Variants in ZNF528 observed in about 807,000 individuals in gnomAD.
The protein encoded by ZNF528 is zinc finger protein 528.
A neutral mutation model predicts 13.3 loss-of-function variants in ZNF528; 9 were observed. The ratio of observed to expected loss-of-function variants is 0.67; its 90% CI spans 0.41 to 1.18. ZNF528 has a LOEUF of 1.18. Among genes scored for constraint, ZNF528 ranks in the 50% most tolerant of loss-of-function variants. The probability of loss-of-function intolerance (pLI) is 0.01; values close to 1 mark genes in which losing one functional copy is unlikely to be tolerated. For synonymous variants in ZNF528, 264 were observed against 254.3 expected (o/e 1.04, Z -0.36); for missense variants, 858 against 745.4 (o/e 1.15, Z -1.76).
chr19:52,416,979 CAAG>C lies in ZNF528; in HGVS notation c.*244_*246del. The C allele has an allele frequency of 2.1e-6, 1 of 474,866 alleles. No individual in the cohort carries two copies. Among genetic ancestry groups the C allele is most frequent in the East Asian group, 3.3e-5 (1 of 30,692 alleles). The allele number at this position is 474,866 out of a possible 1,614,324, so 29.4% of individuals were successfully genotyped here. ...GCTATAGAACACGATAGGATTTACA[CAAG>C]AAGTAACTCTGTCTCTGGTTCTCTG... On this transcript the variant is annotated 3_prime_UTR_variant, in exon 7 of 7. Coordinates refer to ENST00000360465, the MANE Select transcript of ZNF528 (RefSeq NM_032423.3).
At chr19:52,403,694 C>T (rs1330080205) in intron 4 of ZNF528, among the ~76,000 whole-genome samples, 1 of 144,278 alleles carries the variant, frequency 6.9e-6, no homozygotes, top group Admixed American at 7.0e-5. Flanking sequence ...CAGTGAGAGA[C>T]AACTTCTCTT....
At chr19:52,406,866 A>T (rs1568425760) in intron 6 of ZNF528, 3 of 463,828 alleles carry the variant, frequency 6.5e-6, no homozygotes, top group Non-Finnish European at 1.1e-5. Context: ...CGTTTGGGAA[A>T]CTCTCTGCAA....
At chr19:52,412,422 T>G (rs1477769252) in intron 6 of ZNF528, 1 of 152,214 alleles carries the variant, frequency 6.6e-6, no homozygotes. Context: ...TTTTGATAGG[T>G]TTGTCTCCAC....
chr19:52,415,131 C>T lies in ZNF528; in HGVS notation c.279C>T (p.Ser93=). The T allele has an allele frequency of 6.2e-7, 1 of 1,608,728 alleles. No homozygotes were observed. The highest frequency in any genetic ancestry group is 8.5e-7 in the Non-Finnish European group (1 of 1,177,194). Residue 93 remains serine (S), a synonymous_variant, in exon 7 of 7, where the codon AGC becomes AGT. Coordinates refer to ENST00000360465, the MANE Select transcript of ZNF528 (RefSeq NM_032423.3). ...TTTTTCTTTCTGTTTTAGAGAGGAG[C>T]TCTAAATTGGGAAGTAATGCAGGAA... ...ECIKGVNTER[S]SKLGSNAGNK...
At chr19:52,406,110 G>T in intron 5 of ZNF528, 77 bp downstream of exon 5, 2 of 1,492,224 alleles carry the variant, frequency 1.3e-6, no homozygotes, top group Non-Finnish European at 1.8e-6. Flanking sequence ...CCTCTTGGGA[G>T]CTCCTGCATT....
At chr19:52,398,882 T>C (rs1383529463) in intron 2 of ZNF528, among the ~76,000 whole-genome samples, 1 of 151,842 alleles carries the variant, frequency 6.6e-6, no homozygotes, top group African/African-American at 2.4e-5. Context: ...AGGCCTGGGA[T>C]CTAAGGGTGC....
chr19:52,408,248 C>T (rs1243559176), intron 6 of ZNF528: 2 of 151,568 alleles, frequency 1.3e-5, no homozygotes, highest in East Asian at 3.9e-4. Flanking sequence ...TCACTACAGC[C>T]TCTGCCTCTC....
intron 6 of ZNF528, chr19:52,414,623 G>A (rs965850934): frequency 8.1e-5 from 33 of 405,794 alleles, no homozygotes; most frequent in Middle Eastern, 1.5e-3. Flanking sequence ...GGTGTCAGGC[G>A]CAGTCGTGAG....
intron 2 of ZNF528, 143 bp downstream of exon 2, chr19:52,398,762 G>T (rs375545155): frequency 6.0e-5 from 19 of 317,868 alleles, no homozygotes; most frequent in South Asian, 3.7e-4. Context: ...TCAGACAGAG[G>T]GGGGAGAGGA....
chr19:52,416,148 T>A lies in ZNF528; in HGVS notation c.1296T>A (p.Thr432=). 1 of 1,614,084 alleles carries A rather than the reference T, an allele frequency of 6.2e-7. No individual in the cohort carries two copies. Among genetic ancestry groups the A allele is most frequent in the Non-Finnish European group, 8.5e-7 (1 of 1,180,016 alleles). Residue 432 remains threonine, a synonymous_variant, in exon 7 of 7, where the codon ACT becomes ACA. Transcript: ENST00000360465. ...TTATACGACATCGAAAAACTCATACTGATGAGAAGCCTTACAAATGTAATA... is the reference window on the plus strand; with the variant it reads ...TTATACGACATCGAAAAACTCATACAGATGAGAAGCCTTACAAATGTAATA... ...SDLIRHRKTH[T]DEKPYKCNKC...
chr19:52,416,259 A>T lies in ZNF528; in HGVS notation c.1407A>T (p.Glu469Asp), dbSNP rs572419173. 1.2e-6 allele frequency: 2 copies of T among 1,614,098 alleles called. No homozygotes were observed. Residue 469 changes from glutamate (E) to aspartate (D), a missense_variant, in exon 7 of 7, where the codon GAA (glutamate) becomes GAT (aspartate). Glu to Asp is a conservative substitution (Grantham distance 45). Transcript: ENST00000360465. ...GAGAGAAACCTTATGAATGTAAAGA[A>T]TGTGGCAAAGTCTTCAGGTACAAGT... is the stretch of plus-strand genomic sequence containing the variant. ...HSGEKPYECK[E>D]CGKVFRYKSS...
chr19:52,416,679 G>T lies in ZNF528; in HGVS notation c.1827G>T (p.Leu609=). ...GAGAGAAACCTTACAAATGCACCCT[G>T]TGCAGTAAGGTCTTCAGTCACAATT... The part of the protein sequence containing the change: ...HIGEKPYKCT[L]CSKVFSHNSD... The change falls in exon 7 of 7, where the codon CTG becomes CTT. Residue 609 remains leucine (L), a synonymous_variant. Transcript: ENST00000360465. 4 of 1,612,674 alleles carry T rather than the reference G, an allele frequency of 2.5e-6. No individual in the cohort carries two copies. Among genetic ancestry groups the T allele is most frequent in the Non-Finnish European group, 2.5e-6 (3 of 1,178,738 alleles).
At chr19:52,406,722 A>G (rs752729126) in intron 6 of ZNF528, 79 bp downstream of exon 6, 6 of 1,517,142 alleles carry the variant, frequency 4.0e-6, no homozygotes, top group Non-Finnish European at 5.3e-6. Context: ...CATCCAGGCT[A>G]GAGTGCGGTG....
chr19:52,403,719 C>T (rs1229778034), intron 4 of ZNF528, among the ~76,000 whole-genome samples: 3 of 147,720 alleles, frequency 2.0e-5, no homozygotes, highest in African/African-American at 7.4e-5. Context: ...CAACTGATGT[C>T]TATAAGTGTG....
chr19:52,405,988 T>C lies in ZNF528; in HGVS notation c.97T>C (p.Tyr33His), dbSNP rs2058850991. Residue 33 changes from tyrosine to histidine, a missense_variant, in exon 5 of 7, where the codon TAC becomes CAC. Tyr to His is a moderately conservative substitution (Grantham distance 83, BLOSUM62 2). Transcript: ENST00000360465. ...CCTGGACCCTGCGCAGAGGACTTTA[T>C]ACAGGGACGTGATGTTGGAGAATTA... ...KCLDPAQRTLYRDVMLENYRN... is the reference protein window; with the variant it reads ...KCLDPAQRTLHRDVMLENYRN... 6.2e-7 allele frequency: 1 copy of C among 1,611,826 alleles called. No individual in the cohort carries two copies. Among genetic ancestry groups the C allele is most frequent in the Non-Finnish European group, 8.5e-7 (1 of 1,178,402 alleles).
chr19:52,409,714 TTTTG>T (rs1046223410), intron 6 of ZNF528, among the ~76,000 whole-genome samples: 1 of 151,870 alleles, frequency 6.6e-6, no homozygotes, highest in Non-Finnish European at 1.5e-5. Context: ...GCTTGTTTGT[TTTTG>T]TTTTTGTTTT....
intron 2 of ZNF528, among the ~76,000 whole-genome samples, chr19:52,400,662 T>G (rs774090627): frequency 3.9e-5 from 6 of 152,134 alleles, no homozygotes; most frequent in Non-Finnish European, 8.8e-5. Context: ...GATAGGACTA[T>G]GGGCCTGTCC....
chr19:52,416,297 GTCA>G lies in ZNF528; in HGVS notation c.1450_1452del (p.His484del), dbSNP rs1174993940. On this transcript the variant is annotated inframe_deletion, in exon 7 of 7. Coordinates refer to ENST00000360465, the MANE Select transcript of ZNF528 (RefSeq NM_032423.3). ...TTCAGGTACAAGTCTTCTCTAACCA[GTCA>G]TCATAGAATTCATACTGGAGAGAAG... 9 of 1,613,496 alleles carry G rather than the reference GTCA, an allele frequency of 5.6e-6. No homozygotes were observed. Among genetic ancestry groups the G allele is most frequent in the East Asian group, 4.5e-5 (2 of 44,790 alleles).
Position 52,398,618 on chromosome 19 carries a change from A to G in ZNF528, c.-138A>G. 1 of 985,462 alleles carries G rather than the reference A, an allele frequency of 1.0e-6. No homozygotes were observed. The highest frequency in any genetic ancestry group is 1.7e-5 in the African/African-American group (1 of 57,374). 61.0% of individuals were successfully genotyped at this position (985,462 alleles called of 1,614,324 possible). ...ACCCATTAACAGAAGGCAAAGTAGA[A>G]GGTGAGTGAGGGGTTTGCAGAGGCA... On this transcript the variant is annotated splice_region_variant and 5_prime_UTR_variant, in exon 2 of 7. Transcript: ENST00000360465.
Sources: gnomAD v4.1 joint callset for allele counts (sites outside exome capture counted in the v4.1 genomes callset) on GRCh38, gnomAD v4.1.1 for gene constraint, MANE v1.5 for transcripts, NCBI Gene and HGNC (gene_info 2026-07-23, HGNC 2026-07-21) for gene names.